Variants in DENND4C observed in about 807,000 individuals in gnomAD.
The protein encoded by DENND4C is DENN domain-containing protein 4C.
DENND4C carries 108 observed loss-of-function variants against 203.0 expected under a neutral mutation model. That is an observed-to-expected ratio of 0.53 (90% CI 0.46 to 0.62). DENND4C has a LOEUF of 0.62. Among genes scored for constraint, DENND4C ranks in the 20% least tolerant of loss-of-function variants. The probability of loss-of-function intolerance (pLI) is 0.00; values close to 1 mark genes in which losing one functional copy is unlikely to be tolerated. For missense variants in DENND4C, 2,481 were observed against 2,301.2 expected, an observed-to-expected ratio of 1.08 and a Z score of -1.60; for synonymous variants, 871 against 792.4, an observed-to-expected ratio of 1.10 and a Z score of -1.67.
At chr9:19,283,527 CATT>C (rs1834548397) in intron 2 of DENND4C, among the ~76,000 whole-genome samples, 1 of 151,684 alleles carries the variant, frequency 6.6e-6, no homozygotes, top group South Asian at 2.1e-4. Context: ...CTTGCATCAT[CATT>C]ATGTGGTGCA....
intron 7 of DENND4C, among the ~76,000 whole-genome samples, chr9:19,298,950 C>T (rs1256007385): frequency 6.6e-6 from 1 of 152,010 alleles, no homozygotes; most frequent in Non-Finnish European, 1.5e-5. Context: ...GCAGTAGTTC[C>T]ATAAATTTTA....
rs1159568245 is a variant in DENND4C, at chr9:19,346,275, A to G, written c.3506A>G (p.Asn1169Ser). 14 of 1,614,070 alleles carry G rather than the reference A, an allele frequency of 8.7e-6. No homozygotes were observed. Among genetic ancestry groups the G allele is most frequent in the Non-Finnish European group, 1.2e-5 (14 of 1,180,036 alleles). Reference sequence around the variant, plus strand: ...ACTTGTATGTCTGAAAGCACTTGGAATCCTGAGCACAGATCATCTCCGGTG... The same window carrying G: ...ACTTGTATGTCTGAAAGCACTTGGAGTCCTGAGCACAGATCATCTCCGGTG... ...SRTCMSESTW[N>S]PEHRSSPVPE... The change falls in exon 23 of 33, where the codon AAT becomes AGT. Residue 1169 changes from asparagine to serine, a missense_variant. Asn to Ser is a conservative substitution (Grantham distance 46, BLOSUM62 1). Coordinates refer to ENST00000434457, the MANE Select transcript of DENND4C (RefSeq NM_001330640.2).
intron 1 of DENND4C, among the ~76,000 whole-genome samples, chr9:19,235,677 C>G (rs1227087068): frequency 7.5e-6 from 1 of 133,798 alleles, no homozygotes; most frequent in Non-Finnish European, 1.5e-5. Flanking sequence ...GTGGCGTGAT[C>G]TCAGCTCACT....
In DENND4C at chr9:19,305,480, A is replaced by C; in HGVS notation, c.1440A>C (p.Pro480=). 1.2e-6 allele frequency: 2 copies of C among 1,613,754 alleles called. No homozygotes were observed. Among genetic ancestry groups the C allele is most frequent in the Non-Finnish European group, 1.7e-6 (2 of 1,179,936 alleles). ...VDSRYFDLHD[P]PQDVVCIDLD... is the part of the protein sequence containing the mutation. ...CAAGGTATTTTGATCTTCATGACCCACCACAAGATGTTGTTTGCATTGACT... is the reference window on the plus strand; with the variant it reads ...CAAGGTATTTTGATCTTCATGACCCCCCACAAGATGTTGTTTGCATTGACT... Residue 480 remains proline (P), a synonymous_variant, in exon 10 of 33, where the codon CCA becomes CCC. Coordinates refer to ENST00000434457, the MANE Select transcript of DENND4C (RefSeq NM_001330640.2).
intron 29 of DENND4C, among the ~76,000 whole-genome samples, chr9:19,360,880 C>T (rs990979329): frequency 2.6e-5 from 4 of 152,088 alleles, no homozygotes; most frequent in African/African-American, 7.2e-5. Flanking sequence ...GTTATTAGGT[C>T]ATATCTGTCT....
At chr9:19,292,420 A>T (rs1353298751) in intron 5 of DENND4C, 1 of 152,160 alleles carries the variant, frequency 6.6e-6, no homozygotes, top group East Asian at 1.9e-4. Flanking sequence ...CTTATGTAAA[A>T]CATATATTGT....
chr9:19,347,841 T>C (rs1370784626), intron 23 of DENND4C, among the ~76,000 whole-genome samples: 4 of 152,222 alleles, frequency 2.6e-5, no homozygotes, highest in Non-Finnish European at 5.9e-5. Context: ...CCTTAATACA[T>C]ATGAAGTCAA....
In DENND4C at chr9:19,353,212, A is replaced by C. The variant is rs565516607; in HGVS notation, c.4781+547A>C. Among the ~76,000 whole-genome samples the C allele has an allele frequency of 5.3e-5, 8 of 152,366 alleles. No individual in the cohort carries two copies. In the East Asian group the frequency reaches 1.5e-3, roughly 29 times the overall value. On this transcript the variant is annotated intron_variant, in intron 26 of 32. Coordinates refer to ENST00000434457, the MANE Select transcript of DENND4C (RefSeq NM_001330640.2). ...CAATAGATATAAGACTAGCTGATCT[A>C]TAATTATACATAAAATAATTGAGAG...
intron 22 of DENND4C, among the ~76,000 whole-genome samples, chr9:19,345,486 A>G (rs1049527186): frequency 6.6e-6 from 1 of 152,262 alleles, no homozygotes; most frequent in Non-Finnish European, 1.5e-5. Flanking sequence ...TTTACTTTAC[A>G]GCAGTAAGAC....
At chr9:19,264,026 A>G (rs1829981730) in intron 1 of DENND4C, among the ~76,000 whole-genome samples, 1 of 152,090 alleles carries the variant, frequency 6.6e-6, no homozygotes, top group African/African-American at 2.4e-5. Flanking sequence ...TTACAGAATA[A>G]GTTTGGAAGT....
At chr9:19,241,809 G>A (rs1823805737) in intron 1 of DENND4C, among the ~76,000 whole-genome samples, 1 of 151,974 alleles carries the variant, frequency 6.6e-6, no homozygotes, top group Admixed American at 6.6e-5. Context: ...CTTGAGCTCA[G>A]GAGATTGGGA....
At chr9:19,258,346 C>G (rs1272463073) in intron 1 of DENND4C, among the ~76,000 whole-genome samples, 1 of 152,190 alleles carries the variant, frequency 6.6e-6, no homozygotes, top group African/African-American at 2.4e-5. Flanking sequence ...TTTTTCCCAA[C>G]TTGTTCTGTC....
chr9:19,255,197 G>T (rs1461165127), intron 1 of DENND4C, among the ~76,000 whole-genome samples: 1 of 152,100 alleles, frequency 6.6e-6, no homozygotes, highest in African/African-American at 2.4e-5. Flanking sequence ...GAGGCCAGGA[G>T]TTCAAGACCA....
At chr9:19,348,592 G>A (rs770047960) in intron 23 of DENND4C, among the ~76,000 whole-genome samples, 4 of 152,006 alleles carry the variant, frequency 2.6e-5, no homozygotes, top group Middle Eastern at 3.2e-3. Flanking sequence ...AATTAGAGAC[G>A]TGGGAAAAAA....
At chr9:19,322,309 C>T (rs1011781519) in intron 12 of DENND4C, among the ~76,000 whole-genome samples, 6 of 152,082 alleles carry the variant, frequency 3.9e-5, no homozygotes, top group Non-Finnish European at 8.8e-5. Context: ...TAGTACATTC[C>T]TCCAGAGCTG....
rs1332983262 is a variant in DENND4C at position 19,230,700 on chromosome 9, A to G, written c.-151A>G. 1 of 152,050 alleles carries G rather than the reference A, an allele frequency of 6.6e-6. No individual in the cohort carries two copies. Among genetic ancestry groups the G allele is most frequent in the African/African-American group, 2.4e-5 (1 of 41,406 alleles). 9.4% of individuals were successfully genotyped at this position (152,050 alleles called of 1,614,324 possible). ...GCGAGGCGGCGCAGGCGCAGACCGG[A>G]CTGAGGCGGCGGCGGCCGCTGGAGC... On this transcript the variant is annotated 5_prime_UTR_variant, in exon 1 of 33. Transcript: ENST00000434457.
intron 2 of DENND4C, among the ~76,000 whole-genome samples, chr9:19,277,769 T>A (rs966718851): frequency 1.3e-5 from 2 of 152,180 alleles, no homozygotes; most frequent in African/African-American, 4.8e-5. Context: ...CTTTTACTAT[T>A]GAGTATGATG....
At position 19,286,541 on chromosome 9, in the gene DENND4C, A is replaced by G. The variant is rs547225946; in HGVS notation, c.306-228A>G. ...CAATCCTGTTTACACTTCTTAAATTATGTTTTGGCTTTTGAAAAATAGTTT... is the reference window on the plus strand; with the variant it reads ...CAATCCTGTTTACACTTCTTAAATTGTGTTTTGGCTTTTGAAAAATAGTTT... On this transcript the variant is annotated intron_variant, in intron 2 of 32. Coordinates refer to ENST00000434457, the MANE Select transcript of DENND4C (RefSeq NM_001330640.2). 5.9e-5 allele frequency among the ~76,000 whole-genome samples: 9 copies of G among 152,228 alleles called. No homozygotes were observed. The South Asian group carries it at 1.9e-3, about 32-fold the overall frequency.
chr9:19,248,484 G>A (rs558320942), intron 1 of DENND4C, among the ~76,000 whole-genome samples: 1 of 151,992 alleles, frequency 6.6e-6, no homozygotes. Flanking sequence ...CCGCCTCCTG[G>A]GTTCAAGCGA....
Sources: allele counts gnomAD v4.1 joint callset (sites outside exome capture counted in the v4.1 genomes callset), GRCh38; gene constraint gnomAD v4.1.1; transcripts MANE v1.5; gene names NCBI Gene and HGNC (gene_info 2026-07-23, HGNC 2026-07-21).